The following MROH9 variants were observed in gnomAD, a reference collection of about 807,000 sequenced individuals.
MROH9 encodes the protein maestro heat-like repeat-containing protein family member 9.
A neutral mutation model predicts 98.2 loss-of-function variants in MROH9; 92 were observed. That is an observed-to-expected ratio of 0.94 (90% CI 0.79 to 1.11). The LOEUF (loss-of-function observed/expected upper bound fraction) is 1.11. MROH9 is among the 50% of genes most tolerant of loss of function. The probability of loss-of-function intolerance (pLI) is 0.00; values close to 1 mark genes in which losing one functional copy is unlikely to be tolerated. For synonymous variants in MROH9, 397 were observed against 368.9 expected, an observed-to-expected ratio of 1.08 and a Z score of -0.87; for missense variants, 1,057 against 1,014.8, an observed-to-expected ratio of 1.04 and a Z score of -0.57.
At chr1:170,938,776 T>A (rs1280536409) in intron 1 of MROH9, among the ~76,000 whole-genome samples, 1 of 152,226 alleles carries the variant, frequency 6.6e-6, no homozygotes, top group Admixed American at 6.5e-5. Context: ...TCCTCTTCTA[T>A]GATGGACGCA....
chr1:171,044,116 GT>G (rs1440407866), intron 20 of MROH9, among the ~76,000 whole-genome samples: 2 of 152,056 alleles, frequency 1.3e-5, no homozygotes, highest in African/African-American at 4.8e-5. Flanking sequence ...GTCATATATG[GT>G]TTTTATTATG....
At position 170,998,219 on chromosome 1, in the gene MROH9, T is replaced by TAGA. The variant is rs1651654498; in HGVS notation, c.1544_1546dup (p.Glu515dup). On this transcript the variant is annotated inframe_insertion, in exon 15 of 22. Coordinates refer to ENST00000367759, the MANE Select transcript of MROH9 (RefSeq NM_001163629.2). ...CTGAGTTATCTCTATAAGCTCTCAG[T>TAGA]AGAAGGTCCTAGAAGGTCAGAAGAC... 5.0e-6 allele frequency: 8 copies of TAGA among 1,613,132 alleles called. No individual in the cohort carries two copies. Among genetic ancestry groups the TAGA allele is most frequent in the Non-Finnish European group, 6.8e-6 (8 of 1,179,358 alleles).
At chr1:171,010,532 C>T (rs929551492) in intron 15 of MROH9, among the ~76,000 whole-genome samples, 8 of 152,180 alleles carry the variant, frequency 5.3e-5, no homozygotes, top group African/African-American at 1.7e-4. Context: ...AATGGTTGAA[C>T]TAATTTATAC....
At chr1:170,963,660 G>A (rs894599085) in intron 6 of MROH9, among the ~76,000 whole-genome samples, 2 of 152,082 alleles carry the variant, frequency 1.3e-5, no homozygotes, top group African/African-American at 4.8e-5. Context: ...CCATACAAAA[G>A]AATAAGATTA....
intron 15 of MROH9, among the ~76,000 whole-genome samples, chr1:171,012,836 C>T (rs1652204639): frequency 6.6e-6 from 1 of 152,134 alleles, no homozygotes; most frequent in Non-Finnish European, 1.5e-5. Context: ...AGATTTTAAT[C>T]AGCATATTTG....
chr1:170,949,508 T>C (rs147469782), intron 3 of MROH9, among the ~76,000 whole-genome samples: 23 of 152,198 alleles, frequency 1.5e-4, no homozygotes, highest in Non-Finnish European at 2.5e-4. Flanking sequence ...AACAAAATTA[T>C]AGATGATGAA....
intron 2 of MROH9, among the ~76,000 whole-genome samples, chr1:170,946,126 C>A (rs1386879658): frequency 1.3e-5 from 2 of 151,628 alleles, no homozygotes; most frequent in Non-Finnish European, 2.9e-5. Flanking sequence ...AATAAAATGA[C>A]CCACATAAAG....
chr1:170,995,708 A>T (rs1449185275), intron 13 of MROH9, among the ~76,000 whole-genome samples, 177 bp downstream of exon 13: 1 of 152,184 alleles, frequency 6.6e-6, no homozygotes, highest in Admixed American at 6.6e-5. Flanking sequence ...CAGCCCAAGT[A>T]CCTAAAAATT....
In MROH9 at chr1:170,971,854, A is replaced by G. The variant is rs1230710260; in HGVS notation, c.587A>G (p.His196Arg). The G allele has an allele frequency of 2.5e-6, 4 of 1,613,744 alleles. No homozygotes were observed. The highest frequency in any genetic ancestry group is 3.4e-6 in the Non-Finnish European group (4 of 1,179,906). ...AAACAAGCATCATTGGGAATGTGTC[A>G]CCTCCTCTACATTGCACGGTGTCAG... ...IVKQASLGMC[H>R]LLYIARCQND... The change falls in exon 8 of 22, where the codon CAC (histidine) becomes CGC (arginine). Residue 196 changes from histidine (H) to arginine (R), a missense_variant. His to Arg is a conservative substitution (Grantham distance 29). Coordinates refer to ENST00000367759, the MANE Select transcript of MROH9 (RefSeq NM_001163629.2).
At chr1:170,985,580 A>G (rs1651101006) in intron 9 of MROH9, among the ~76,000 whole-genome samples, 1 of 152,220 alleles carries the variant, frequency 6.6e-6, no homozygotes, top group Non-Finnish European at 1.5e-5. Flanking sequence ...TTCTTCTACA[A>G]CTTTTTAGAT....
chr1:170,963,310 C>G (rs1650099378), intron 6 of MROH9, among the ~76,000 whole-genome samples: 1 of 151,916 alleles, frequency 6.6e-6, no homozygotes, highest in Non-Finnish European at 1.5e-5. Context: ...AATGACTATT[C>G]TTAAAAAGTC....
chr1:171,053,621 G>A (rs1370262283), intron 20 of MROH9, among the ~76,000 whole-genome samples: 1 of 152,060 alleles, frequency 6.6e-6, no homozygotes, highest in Non-Finnish European at 1.5e-5. Flanking sequence ...AAAACAAATA[G>A]TAGATATAGA....
chr1:170,984,493 G>A (rs1383194304), intron 9 of MROH9, among the ~76,000 whole-genome samples: 2 of 152,088 alleles, frequency 1.3e-5, no homozygotes, highest in Non-Finnish European at 2.9e-5. Context: ...TTTACATGAA[G>A]AAACCAGGCA....
chr1:171,016,664 G>T (rs916133033), intron 17 of MROH9, among the ~76,000 whole-genome samples: 4 of 152,102 alleles, frequency 2.6e-5, no homozygotes, highest in African/African-American at 9.7e-5. Context: ...GAAACACTGA[G>T]TGAGTGATTT....
chr1:170,978,086 T>C (rs1197534829), intron 8 of MROH9, among the ~76,000 whole-genome samples: 1 of 152,168 alleles, frequency 6.6e-6, no homozygotes, highest in African/African-American at 2.4e-5. Flanking sequence ...AGAGGAGTTT[T>C]CATTTGCCCC....
intron 20 of MROH9, among the ~76,000 whole-genome samples, chr1:171,050,407 T>A (rs556953603): frequency 1.3e-5 from 2 of 152,214 alleles, no homozygotes; most frequent in Non-Finnish European, 2.9e-5. Flanking sequence ...CTTGGTTAAA[T>A]GTATTTCTAA....
intron 15 of MROH9, among the ~76,000 whole-genome samples, chr1:171,008,944 G>A (rs1652054923): frequency 6.6e-6 from 1 of 151,256 alleles, no homozygotes; most frequent in Non-Finnish European, 1.5e-5. Context: ...TTATTCTTTG[G>A]GAAACATATA....
intron 11 of MROH9, among the ~76,000 whole-genome samples, chr1:170,991,373 C>G (rs1231679812): frequency 6.6e-6 from 1 of 152,082 alleles, no homozygotes; most frequent in Non-Finnish European, 1.5e-5. Context: ...GACCTGTAGG[C>G]AGGAGCAGGT....
chr1:171,012,193 A>G (rs927754805), intron 15 of MROH9, among the ~76,000 whole-genome samples: 1 of 152,082 alleles, frequency 6.6e-6, no homozygotes, highest in Non-Finnish European at 1.5e-5. Context: ...TTAAATTTGC[A>G]AGTACTTTAC....
Sources: gnomAD v4.1 joint callset for allele counts (sites outside exome capture counted in the v4.1 genomes callset) on GRCh38, gnomAD v4.1.1 for gene constraint, MANE v1.5 for transcripts, NCBI Gene and HGNC (gene_info 2026-07-23, HGNC 2026-07-21) for gene names.